Variants in ADGRG7 observed in about 807,000 individuals in gnomAD.
ADGRG7 encodes adhesion G protein-coupled receptor G7, also known as G-protein coupled receptor 128.
ADGRG7 carries 82 observed loss-of-function variants against 88.6 expected under a neutral mutation model. That is an observed-to-expected ratio of 0.93 (90% confidence interval 0.77 to 1.11). The LOEUF (loss-of-function observed/expected upper bound fraction) is 1.11, where lower values mean the gene tolerates loss of function less well. Ranked by LOEUF, ADGRG7 falls within the 50% of genes most tolerant of loss-of-function variation. The pLI, the probability that ADGRG7 is intolerant of heterozygous loss-of-function variation, is 0.00. For missense variants in ADGRG7, 945 were observed against 953.4 expected (o/e 0.99, Z 0.12); for synonymous variants, 381 against 345.2 (o/e 1.10, Z -1.15).
intron 14 of ADGRG7, 113 bp from the exon 15 acceptor site, chr3:100,668,836 G>T: frequency 4.6e-6 from 3 of 646,416 alleles, no homozygotes; most frequent in Non-Finnish European, 5.0e-6. Flanking sequence ...ATATTGTTAA[G>T]TGAACAATGT....
At chr3:100,688,852 T>C (rs1403188674) in intron 15 of ADGRG7, among the ~76,000 whole-genome samples, 6 of 152,230 alleles carry the variant, frequency 3.9e-5, no homozygotes, top group Non-Finnish European at 5.9e-5. Context: ...ATGTATATTC[T>C]GTTGATTTGG....
At chr3:100,616,008 G>GA (rs954253204) in intron 1 of ADGRG7, among the ~76,000 whole-genome samples, 2 of 149,734 alleles carry the variant, frequency 1.3e-5, no homozygotes, top group Admixed American at 6.7e-5. Context: ...CATAAGTAAG[G>GA]AAAAAAAAGT....
chr3:100,623,424 T>G (rs1177953129), intron 1 of ADGRG7, among the ~76,000 whole-genome samples: 1 of 152,220 alleles, frequency 6.6e-6, no homozygotes, highest in African/African-American at 2.4e-5. Context: ...TTCATTGATG[T>G]ATTTGTCTAC....
intron 15 of ADGRG7, among the ~76,000 whole-genome samples, chr3:100,691,962 A>T (rs2094994720): frequency 6.6e-6 from 1 of 152,176 alleles, no homozygotes; most frequent in East Asian, 1.9e-4. Flanking sequence ...AGGATGAGCT[A>T]TTCTGTATTT....
At chr3:100,650,741 A>T (rs1204416610) in intron 11 of ADGRG7, among the ~76,000 whole-genome samples, 5 of 152,044 alleles carry the variant, frequency 3.3e-5, no homozygotes, top group Non-Finnish European at 5.9e-5. Context: ...ATAATAGATG[A>T]CTCGTGGGGT....
At chr3:100,648,714 A>G (rs1707799256) in intron 10 of ADGRG7, among the ~76,000 whole-genome samples, 1 of 152,204 alleles carries the variant, frequency 6.6e-6, no homozygotes, top group Non-Finnish European at 1.5e-5. Flanking sequence ...GTATAAAGGA[A>G]CATATGCTTC....
At chr3:100,674,682 A>G (rs1217247038) in intron 15 of ADGRG7, among the ~76,000 whole-genome samples, 3 of 151,774 alleles carry the variant, frequency 2.0e-5, no homozygotes, top group African/African-American at 7.3e-5. Context: ...GGTTCAAGCA[A>G]TTCTCCTGCC....
chr3:100,675,993 C>T (rs766655796), intron 15 of ADGRG7, among the ~76,000 whole-genome samples: 2 of 151,924 alleles, frequency 1.3e-5, no homozygotes, highest in Non-Finnish European at 2.9e-5. Flanking sequence ...TGGGTCTTCT[C>T]TCTTTTTTTC....
intron 5 of ADGRG7, among the ~76,000 whole-genome samples, 159 bp downstream of exon 5, chr3:100,635,985 C>T (rs987008919): frequency 5.3e-5 from 8 of 152,190 alleles, no homozygotes; most frequent in East Asian, 3.9e-4. Context: ...TCCTGAGAGA[C>T]GCTCAAAGAT....
Position 100,668,960 on chromosome 3 carries a change from T to G in ADGRG7, c.1991T>G (p.Val664Gly). The change falls in exon 15 of 16, where the codon GTT (valine) becomes GGT (glycine). Residue 664 changes from valine (V) to glycine (G), a missense_variant. Physicochemically the swap from Val to Gly is moderately radical, Grantham distance 109. Coordinates refer to ENST00000273352, the MANE Select transcript of ADGRG7 (RefSeq NM_032787.3). Reference protein sequence around the residue: ...NNQNLTSTKKVSSMKKIVSTL... With the variant: ...NNQNLTSTKKGSSMKKIVSTL... ...TTTCTTTCACCTAGCACAAAAAAAG[T>G]TTCATCCATGAAGAAGATTGTTAGC... The G allele has an allele frequency of 6.3e-7, 1 of 1,587,634 alleles. No individual in the cohort carries two copies. The highest frequency in any genetic ancestry group is 8.5e-7 in the Non-Finnish European group (1 of 1,170,182).
intron 3 of ADGRG7, among the ~76,000 whole-genome samples, chr3:100,632,535 A>C (rs970032421): frequency 3.3e-5 from 5 of 152,220 alleles, no homozygotes; most frequent in African/African-American, 1.2e-4. Context: ...TAGCCCATAA[A>C]TATGTTAGAA....
chr3:100,645,950 A>C lies in ADGRG7; in HGVS notation c.952A>C (p.Thr318Pro). The change falls in exon 9 of 16, where the codon ACC (threonine) becomes CCC (proline). Residue 318 changes from threonine (T) to proline (P), a missense_variant. Physicochemically the swap from Thr to Pro is conservative, Grantham distance 38. Transcript: ENST00000273352. ...QVLLNMTKNYTKTCGFVVYQN... is the reference protein window; with the variant it reads ...QVLLNMTKNYPKTCGFVVYQN... ...ATGTCTTTTTCTCCCTATAGATTAC[A>C]CCAAGACATGCGGCTTTGTAGTTTA... 6.2e-7 allele frequency: 1 copy of C among 1,613,492 alleles called. No individual in the cohort carries two copies. Among genetic ancestry groups the C allele is most frequent in the Non-Finnish European group, 8.5e-7 (1 of 1,179,858 alleles).
chr3:100,633,151 G>A (rs1707479119), intron 3 of ADGRG7, 114 bp from the exon 4 acceptor site: 1 of 468,122 alleles, frequency 2.1e-6, no homozygotes, highest in African/African-American at 2.0e-5. Flanking sequence ...AAAATAATAG[G>A]CAATAATTTT....
chr3:100,695,092 C>A lies in ADGRG7; in HGVS notation c.*91C>A. On this transcript the variant is annotated 3_prime_UTR_variant, in exon 16 of 16. Coordinates refer to ENST00000273352, the MANE Select transcript of ADGRG7 (RefSeq NM_032787.3). ...TTATTTCCCAGTCCTCTCAGAAAGTCTTCCTCAATGTATTTTGCTCAGGAT... is the reference window on the plus strand; with the variant it reads ...TTATTTCCCAGTCCTCTCAGAAAGTATTCCTCAATGTATTTTGCTCAGGAT... 4.5e-6 allele frequency: 6 copies of A among 1,334,430 alleles called. No individual in the cohort carries two copies. Among genetic ancestry groups the A allele is most frequent in the Non-Finnish European group, 6.2e-6 (6 of 967,208 alleles). The allele number at this position is 1,334,430 out of a possible 1,614,324, so 82.7% of individuals were successfully genotyped here. A position where few individuals can be genotyped will look rare whatever the true frequency, so the allele number is the denominator to read the frequency against.
At position 100,665,300 on chromosome 3, in the gene ADGRG7, T is replaced by C. The variant is rs115298306; in HGVS notation, c.1980-3649T>C. On this transcript the variant is annotated intron_variant, in intron 14 of 15. Coordinates refer to ENST00000273352, the MANE Select transcript of ADGRG7 (RefSeq NM_032787.3). Reference sequence around the variant, plus strand: ...TGAAACGAGGTTGTCGTTCAGGTAGTTCATCTTTAAGTTCATCTGGTGAAA... The same window carrying C: ...TGAAACGAGGTTGTCGTTCAGGTAGCTCATCTTTAAGTTCATCTGGTGAAA... The C allele has an allele frequency of 6.6e-3, 3,569 of 540,784 alleles. 34 individuals carry two copies. The highest frequency in any genetic ancestry group is 0.025 in the African/African-American group (1,278 of 52,156). 33.5% of individuals were successfully genotyped at this position (540,784 alleles called of 1,614,324 possible).
At chr3:100,626,175 G>A (rs145622360) in intron 1 of ADGRG7, among the ~76,000 whole-genome samples, 9 of 152,276 alleles carry the variant, frequency 5.9e-5, no homozygotes, top group African/African-American at 2.2e-4. Flanking sequence ...AGTAATTACT[G>A]CCTCAATTTC....
intron 14 of ADGRG7, chr3:100,665,340 T>C (rs752274953): frequency 4.4e-5 from 24 of 540,698 alleles, no homozygotes; most frequent in Non-Finnish European, 7.6e-5. Context: ...CTCAAGCTCC[T>C]CATCCAGTAC....
At chr3:100,644,570 A>G (rs1707708333) in intron 8 of ADGRG7, among the ~76,000 whole-genome samples, 1 of 152,152 alleles carries the variant, frequency 6.6e-6, no homozygotes, top group South Asian at 2.1e-4. Context: ...ACAATATTAC[A>G]GTTGCACCTG....
chr3:100,644,905 C>T (rs1278745492), intron 8 of ADGRG7, among the ~76,000 whole-genome samples: 1 of 152,034 alleles, frequency 6.6e-6, no homozygotes, highest in African/African-American at 2.4e-5. Context: ...CATTTAGGGT[C>T]CAGGAGAAAC....
Sources: allele counts gnomAD v4.1 joint callset (sites outside exome capture counted in the v4.1 genomes callset), GRCh38; gene constraint gnomAD v4.1.1; transcripts MANE v1.5; gene names NCBI Gene and HGNC (gene_info 2026-07-23, HGNC 2026-07-21).